EXOC6B: variants seen among roughly 807,000 people sequenced by gnomAD.
The protein encoded by EXOC6B is SEC15 homolog B.
EXOC6B carries 54 observed loss-of-function variants against 113.5 expected under a neutral mutation model. The observed-to-expected ratio is 0.48, with a 90% CI of 0.38 to 0.60. EXOC6B has a LOEUF of 0.60. EXOC6B is among the 20% of genes least tolerant of loss of function. EXOC6B has a pLI of 0.00. For missense variants in EXOC6B, 797 were observed against 977.5 expected, an observed-to-expected ratio of 0.82 and a Z score of 2.46; for synonymous variants, 357 against 339.0, an observed-to-expected ratio of 1.05 and a Z score of -0.58.
At chr2:72,445,631 C>A (rs1238384922) in intron 18 of EXOC6B, among the ~76,000 whole-genome samples, 1 of 152,098 alleles carries the variant, frequency 6.6e-6, no homozygotes, top group African/African-American at 2.4e-5. Flanking sequence ...AGAGAGAGAG[C>A]TTGTACGGCT....
At chr2:72,660,863 T>C (rs2104447605) in intron 6 of EXOC6B, among the ~76,000 whole-genome samples, 1 of 151,902 alleles carries the variant, frequency 6.6e-6, no homozygotes, top group Admixed American at 6.6e-5. Flanking sequence ...CTGGACTCAA[T>C]GTACCAGTGA....
chr2:72,231,413 A>T (rs1396309628), intron 20 of EXOC6B, among the ~76,000 whole-genome samples: 3 of 152,180 alleles, frequency 2.0e-5, no homozygotes, highest in Admixed American at 6.5e-5. Context: ...CTTATTTCTG[A>T]TTGTGAATCA....
At chr2:72,757,703 G>A (rs1682505052) in intron 1 of EXOC6B, among the ~76,000 whole-genome samples, 2 of 152,048 alleles carry the variant, frequency 1.3e-5, no homozygotes, top group Admixed American at 1.3e-4. Context: ...CTATCTCTCT[G>A]AGTTTCTTTT....
rs529646393 is a variant in EXOC6B at position 72,641,951 on chromosome 2, G to A, written c.670-66283C>T. On this transcript the variant is annotated intron_variant, in intron 6 of 21. Coordinates refer to ENST00000272427, the MANE Select transcript of EXOC6B (RefSeq NM_015189.3). ...GGTGATACCCAGGCAAAAAGGGTCC[G>A]GAGTGGACCTCCAGCAAACTCTAAC... 5.0e-4 allele frequency among the ~76,000 whole-genome samples: 76 copies of A among 152,358 alleles called. 3 individuals are homozygous for A. In the South Asian group the frequency reaches 0.013, roughly 26 times the overall value.
At chr2:72,822,406 T>C (rs1183267523) in intron 1 of EXOC6B, among the ~76,000 whole-genome samples, 1 of 152,122 alleles carries the variant, frequency 6.6e-6, no homozygotes, top group Admixed American at 6.5e-5. Context: ...CCTTTCAGAA[T>C]TACAATGAAA....
chr2:72,258,203 A>C (rs1465457278), intron 20 of EXOC6B, among the ~76,000 whole-genome samples: 2 of 152,136 alleles, frequency 1.3e-5, no homozygotes, highest in African/African-American at 4.8e-5. Flanking sequence ...GTCAAGCATG[A>C]ACAGTACCAA....
At chr2:72,601,718 A>G (rs1443646866) in intron 6 of EXOC6B, among the ~76,000 whole-genome samples, 2 of 152,204 alleles carry the variant, frequency 1.3e-5, no homozygotes. Flanking sequence ...AAAACCTGCA[A>G]ACAAATGTTT....
Position 72,321,690 on chromosome 2 carries a change from A to G in EXOC6B, c.2196+13257T>C, listed in dbSNP as rs948622578. 4.6e-5 allele frequency among the ~76,000 whole-genome samples: 7 copies of G among 152,212 alleles called. No homozygotes were observed. In the East Asian group the frequency reaches 5.8e-4, roughly 13 times the overall value. ...GGCATTTTGGAAAAGACAAAACCATATAGTGCCAGAGATCAGAGCAGTTGT... is the reference window on the plus strand; with the variant it reads ...GGCATTTTGGAAAAGACAAAACCATGTAGTGCCAGAGATCAGAGCAGTTGT... On this transcript the variant is annotated intron_variant, in intron 20 of 21. Coordinates refer to ENST00000272427, the MANE Select transcript of EXOC6B (RefSeq NM_015189.3).
chr2:72,619,224 A>G (rs913010052), intron 6 of EXOC6B, among the ~76,000 whole-genome samples: 11 of 152,192 alleles, frequency 7.2e-5, no homozygotes, highest in Non-Finnish European at 1.0e-4. Context: ...AGTTGGACCC[A>G]CTGGATCAAA....
intron 18 of EXOC6B, among the ~76,000 whole-genome samples, chr2:72,441,417 A>G (rs1696191948): frequency 6.6e-6 from 1 of 152,130 alleles, no homozygotes; most frequent in Non-Finnish European, 1.5e-5. Context: ...AAAGAGATAG[A>G]GAACCAAAAA....
chr2:72,650,339 T>C (rs940085707), intron 6 of EXOC6B, among the ~76,000 whole-genome samples: 1 of 152,176 alleles, frequency 6.6e-6, no homozygotes, highest in African/African-American at 2.4e-5. Context: ...CGGTGGCTCA[T>C]GCCTGTAATC....
chr2:72,484,268 C>T lies in EXOC6B; in HGVS notation c.1666-3518G>A, dbSNP rs143347166. On this transcript the variant is annotated intron_variant, in intron 16 of 21. Transcript: ENST00000272427. ...CTATTGACCCGTACTCTTAAAGATCCGTCCCCTCAGCTGGGCGCGGTGGCT... is the reference window on the plus strand; with the variant it reads ...CTATTGACCCGTACTCTTAAAGATCTGTCCCCTCAGCTGGGCGCGGTGGCT... 2.6e-3 allele frequency among the ~76,000 whole-genome samples: 396 copies of T among 151,642 alleles called. 1 individual carries two copies. Among genetic ancestry groups the T allele is most frequent in the African/African-American group, 8.8e-3 (363 of 41,350 alleles).
At chr2:72,548,910 G>T (rs1311602578) in intron 8 of EXOC6B, among the ~76,000 whole-genome samples, 1 of 152,092 alleles carries the variant, frequency 6.6e-6, no homozygotes, top group African/African-American at 2.4e-5. Context: ...GATGACACAA[G>T]TAAAAAATAA....
intron 6 of EXOC6B, among the ~76,000 whole-genome samples, chr2:72,622,815 A>G (rs553593723): frequency 6.6e-6 from 1 of 152,330 alleles, no homozygotes; most frequent in African/African-American, 2.4e-5. Flanking sequence ...TGTCATAAGA[A>G]AGGTTAAAAT....
chr2:72,642,809 A>G (rs1441602796), intron 6 of EXOC6B, among the ~76,000 whole-genome samples: 1 of 151,528 alleles, frequency 6.6e-6, no homozygotes, highest in African/African-American at 2.4e-5. Context: ...AAAGAAACTA[A>G]CATCAGAGTG....
intron 6 of EXOC6B, among the ~76,000 whole-genome samples, chr2:72,674,496 T>C (rs1172762904): frequency 6.6e-6 from 1 of 152,216 alleles, no homozygotes; most frequent in Non-Finnish European, 1.5e-5. Context: ...TTTACTACAA[T>C]CATTTATGTC....
At chr2:72,748,696 T>A (rs1218206143) in intron 1 of EXOC6B, among the ~76,000 whole-genome samples, 1 of 152,018 alleles carries the variant, frequency 6.6e-6, no homozygotes, top group Non-Finnish European at 1.5e-5. Flanking sequence ...AAAAGAATGC[T>A]GTGATGCAGA....
At chr2:72,472,833 T>A (rs1463826862) in intron 17 of EXOC6B, among the ~76,000 whole-genome samples, 3 of 152,176 alleles carry the variant, frequency 2.0e-5, no homozygotes, top group Non-Finnish European at 4.4e-5. Context: ...GAACTTCCCT[T>A]TTAGTACTGC....
chr2:72,447,027 C>T (rs1696623291), intron 18 of EXOC6B, among the ~76,000 whole-genome samples: 1 of 151,742 alleles, frequency 6.6e-6, no homozygotes, highest in African/African-American at 2.4e-5. Context: ...TCGTTTGAAC[C>T]AGGGAGTTGG....
Sources: allele counts gnomAD v4.1 joint callset (sites outside exome capture counted in the v4.1 genomes callset), GRCh38; gene constraint gnomAD v4.1.1; transcripts MANE v1.5; gene names NCBI Gene and HGNC (gene_info 2026-07-23, HGNC 2026-07-21).